DAB2IP: variants seen among roughly 807,000 people sequenced by gnomAD.
DAB2IP encodes the protein DAB2 interacting protein.
Under a neutral mutation model 107.2 loss-of-function variants are expected in DAB2IP, and 28 were observed. That is an observed-to-expected ratio of 0.26 (90% CI 0.19 to 0.36). The LOEUF (loss-of-function observed/expected upper bound fraction) is 0.36. Among genes scored for constraint, DAB2IP ranks in the 10% least tolerant of loss-of-function variants. The pLI, the probability that DAB2IP is intolerant of heterozygous loss-of-function variation, is 1.00. For synonymous variants in DAB2IP, 755 were observed against 706.4 expected (o/e 1.07, Z -1.09); for missense variants, 1,400 against 1,644.7 (o/e 0.85, Z 2.57).
chr9:121,733,874 TC>T (rs921373581), intron 3 of DAB2IP, among the ~76,000 whole-genome samples: 43 of 152,290 alleles, frequency 2.8e-4, no homozygotes, highest in African/African-American at 9.9e-4. Context: ...TTGTGACTGT[TC>T]CCTGTGATAA....
exon 8 of DAB2IP, chr9:121,763,865 C>G (rs539329547): frequency 2.0e-5 from 32 of 1,613,970 alleles, no homozygotes; most frequent in South Asian, 1.8e-4. Flanking sequence ...TCTGCAAGAT[C>G]ATCAACTCCT....
chr9:121,759,706 C>A (rs546710963), intron 5 of DAB2IP, among the ~76,000 whole-genome samples, 179 bp from the exon 6 acceptor site: 208 of 152,302 alleles, frequency 1.4e-3, no homozygotes, highest in Middle Eastern at 3.4e-3. Flanking sequence ...TGAGGTCGAC[C>A]AGAGATCCAG....
chr9:121,651,978 C>A lies in DAB2IP; in HGVS notation c.124+79C>A. Reference sequence around the variant, plus strand: ...CCTGATGCCCTGGGATGCTAGGGACCGGGATCCTCCTTCCAGCCATTTGCC... The same window carrying A: ...CCTGATGCCCTGGGATGCTAGGGACAGGGATCCTCCTTCCAGCCATTTGCC... On this transcript the variant is annotated intron_variant, in intron 1 of 15. Coordinates refer to ENST00000408936, the Ensembl canonical transcript of DAB2IP. This position sits in a 1 kb window ranked among gnomAD's most constrained non-coding sequence, Gnocchi z 5.1. 1.7e-6 allele frequency: 2 copies of A among 1,163,214 alleles called. No individual in the cohort carries two copies. Among genetic ancestry groups the A allele is most frequent in the Non-Finnish European group, 1.1e-6 (1 of 922,058 alleles). 72.1% of individuals were successfully genotyped at this position (1,163,214 alleles called of 1,614,324 possible). A position where few individuals can be genotyped will look rare whatever the true frequency, so the allele number is the denominator to read the frequency against.
Position 121,736,489 on chromosome 9 carries a change from C to T in DAB2IP, c.363-20524C>T, listed in dbSNP as rs888930811. On this transcript the variant is annotated intron_variant, in intron 3 of 15. Coordinates refer to ENST00000408936, the Ensembl canonical transcript of DAB2IP. The surrounding 1 kb of genome is among the most constrained non-coding windows in gnomAD (Gnocchi z 4.6). ...GTGGCTGCAGCTGGAGGCAGCTGGC[C>T]GCGGAATGTCACCCGCTGCCGGGCC... Among the ~76,000 whole-genome samples the T allele has an allele frequency of 2.0e-5, 3 of 146,724 alleles. No homozygotes were observed. The highest frequency in any genetic ancestry group is 4.5e-5 in the Non-Finnish European group (3 of 67,374).
chr9:121,609,160 G>A (rs866261300), intron 1 of DAB2IP, among the ~76,000 whole-genome samples: 23 of 152,280 alleles, frequency 1.5e-4, no homozygotes, highest in African/African-American at 5.1e-4. Flanking sequence ...GGCCGGGCTG[G>A]TCTTGAACTC....
chr9:121,707,244 T>C (rs988070860), intron 3 of DAB2IP, among the ~76,000 whole-genome samples: 2 of 151,326 alleles, frequency 1.3e-5, no homozygotes, highest in African/African-American at 4.9e-5. Context: ...TTAAGAGGGA[T>C]GGACTGACTG....
At chr9:121,663,734 C>T (rs933694860) in intron 1 of DAB2IP, among the ~76,000 whole-genome samples, 6 of 152,226 alleles carry the variant, frequency 3.9e-5, no homozygotes, top group Middle Eastern at 3.2e-3. Flanking sequence ...TCCCTCATCT[C>T]TTTCTGCCAG....
intron 1 of DAB2IP, among the ~76,000 whole-genome samples, chr9:121,570,842 C>T (rs954086439): frequency 2.0e-5 from 3 of 151,316 alleles, no homozygotes; most frequent in Non-Finnish European, 2.9e-5. Flanking sequence ...GCCACAGTGC[C>T]GGCCTGGCTT....
intron 8 of DAB2IP, among the ~76,000 whole-genome samples, chr9:121,765,142 G>A (rs1042458083): frequency 6.6e-6 from 1 of 152,186 alleles, no homozygotes; most frequent in Non-Finnish European, 1.5e-5. Context: ...GGAGGAGAGC[G>A]ACTGTAGGGC....
chr9:121,752,797 G>T (rs1387657210), intron 3 of DAB2IP: 2 of 152,230 alleles, frequency 1.3e-5, no homozygotes, highest in Non-Finnish European at 2.9e-5. Flanking sequence ...CAAAGGGCTG[G>T]GAAATACCTC....
chr9:121,571,057 T>TC (rs915282147), intron 1 of DAB2IP, among the ~76,000 whole-genome samples: 1 of 151,890 alleles, frequency 6.6e-6, no homozygotes, highest in South Asian at 2.1e-4. Context: ...CCAAGCTGTC[T>TC]CCCCCCAGGG....
chr9:121,741,132 C>G lies in DAB2IP; in HGVS notation c.363-15881C>G, dbSNP rs75129075. Reference sequence around the variant, plus strand: ...CTGTTTCCTCTGATGCTCGACACCCCCTCCTCTCCCCACATGCGCACCAGA... The same window carrying G: ...CTGTTTCCTCTGATGCTCGACACCCGCTCCTCTCCCCACATGCGCACCAGA... On this transcript the variant is annotated intron_variant, in intron 3 of 15. Coordinates refer to ENST00000408936, the Ensembl canonical transcript of DAB2IP. 2.7e-3 allele frequency among the ~76,000 whole-genome samples: 415 copies of G among 152,302 alleles called. 13 individuals are homozygous for G. The East Asian group carries it at 0.075, about 28-fold the overall frequency.
intron 8 of DAB2IP, 101 bp downstream of exon 8, chr9:121,763,980 T>G: frequency 6.6e-7 from 1 of 1,507,470 alleles, no homozygotes; most frequent in Non-Finnish European, 9.0e-7. Context: ...GCCCCTGAGT[T>G]GTACTGACTT....
chr9:121,736,640 G>T lies in DAB2IP; in HGVS notation c.363-20373G>T, dbSNP rs919244092. ...GCGTGGCGCAGCCCGACGTTAGTCC[G>T]GAATGCTCTGGGAGCAGCGCTCGGG... is the stretch of plus-strand genomic sequence containing the variant. On this transcript the variant is annotated intron_variant, in intron 3 of 15. Transcript: ENST00000408936. This position sits in a 1 kb window ranked among gnomAD's most constrained non-coding sequence, Gnocchi z 4.6. Among the ~76,000 whole-genome samples, 1 of 152,254 alleles carries T rather than the reference G, an allele frequency of 6.6e-6. No individual in the cohort carries two copies. Among genetic ancestry groups the T allele is most frequent in the Non-Finnish European group, 1.5e-5 (1 of 68,038 alleles).
intron 1 of DAB2IP, among the ~76,000 whole-genome samples, chr9:121,677,240 C>T (rs960684343): frequency 3.3e-5 from 5 of 152,184 alleles, no homozygotes; most frequent in African/African-American, 9.6e-5. Context: ...AACGTGGGGG[C>T]TGACATAGTG....
chr9:121,763,964 T>C, intron 8 of DAB2IP, 85 bp downstream of exon 8: 1 of 1,558,850 alleles, frequency 6.4e-7, no homozygotes, highest in Non-Finnish European at 8.7e-7. Context: ...TGCCTGATGC[T>C]GCCTGGCCCC....
At chr9:121,647,835 ATATATAT>A (rs1391713407), upstream of DAB2IP, among the ~76,000 whole-genome samples, 1 of 148,880 alleles carries the variant, frequency 6.7e-6, no homozygotes, top group Non-Finnish European at 1.5e-5. Context: ...ATACATATAC[ATATATAT>A]TATATATATA....
At chr9:121,700,679 C>T in intron 3 of DAB2IP, among the ~76,000 whole-genome samples, 1 of 152,174 alleles carries the variant, frequency 6.6e-6, no homozygotes, top group East Asian at 1.9e-4. Context: ...GTTTAACTGA[C>T]CCCTAGCATC....
intron 1 of DAB2IP, among the ~76,000 whole-genome samples, chr9:121,677,857 T>G (rs1828344443): frequency 6.6e-6 from 1 of 152,154 alleles, no homozygotes; most frequent in South Asian, 2.1e-4. Context: ...AGACAGGGTT[T>G]CACCATGTTG....
Sources: allele counts gnomAD v4.1 joint callset (sites outside exome capture counted in the v4.1 genomes callset), GRCh38; gene constraint gnomAD v4.1.1; non-coding constraint Gnocchi (gnomAD v3.1); transcripts MANE v1.5; gene names NCBI Gene and HGNC (gene_info 2026-07-23, HGNC 2026-07-21).